NELL1: variants seen among roughly 807,000 people sequenced by gnomAD.
The protein encoded by NELL1 is neural EGFL like 1.
Under a neutral mutation model 107.4 loss-of-function variants are expected in NELL1, and 76 were observed. The ratio of observed to expected loss-of-function variants is 0.71; its 90% CI spans 0.59 to 0.86. NELL1 has a LOEUF of 0.86. Ranked by LOEUF, NELL1 falls within the 40% of genes least tolerant of loss-of-function variation. The pLI is 0.00. For missense variants in NELL1, 1,024 were observed against 1,005.5 expected, an observed-to-expected ratio of 1.02 and a Z score of -0.25; for synonymous variants, 353 against 341.2, an observed-to-expected ratio of 1.03 and a Z score of -0.38.
intron 2 of NELL1, among the ~76,000 whole-genome samples, chr11:20,732,923 A>G (rs763514841): frequency 5.3e-5 from 8 of 152,172 alleles, no homozygotes; most frequent in Non-Finnish European, 5.9e-5. Flanking sequence ...ACAGTGGGGA[A>G]CACAAAGGCT....
At chr11:21,221,160 A>G (rs945701635) in intron 13 of NELL1, among the ~76,000 whole-genome samples, 17 of 152,258 alleles carry the variant, frequency 1.1e-4, no homozygotes, top group Middle Eastern at 6.8e-3. Flanking sequence ...TGATTGGACA[A>G]TGTTGTGATT....
At chr11:21,300,758 T>A (rs1266570155) in intron 14 of NELL1, among the ~76,000 whole-genome samples, 12 of 152,120 alleles carry the variant, frequency 7.9e-5, no homozygotes, top group Non-Finnish European at 1.5e-5. Context: ...ATTATTTCTT[T>A]TTTTAATTAT....
At chr11:20,774,250 T>C (rs1590281431) in intron 2 of NELL1, among the ~76,000 whole-genome samples, 1 of 90,014 alleles carries the variant, frequency 1.1e-5, no homozygotes, top group Admixed American at 1.3e-4. Context: ...TTCCTCCCCC[T>C]CTCCCATCTT....
At chr11:21,224,147 T>TC (rs572746627) in intron 13 of NELL1, among the ~76,000 whole-genome samples, 51 of 152,306 alleles carry the variant, frequency 3.3e-4, no homozygotes, top group African/African-American at 1.2e-3. Flanking sequence ...GCAAGGACCT[T>TC]CTTGGGTTAC....
intron 14 of NELL1, among the ~76,000 whole-genome samples, chr11:21,334,841 G>A (rs1469445262): frequency 6.6e-6 from 1 of 151,884 alleles, no homozygotes; most frequent in Non-Finnish European, 1.5e-5. Context: ...ATCTGCTGAG[G>A]CAGCTGGAGA....
chr11:20,968,984 A>C (rs146756736), intron 12 of NELL1, among the ~76,000 whole-genome samples: 306 of 152,284 alleles, frequency 2.0e-3, no homozygotes, highest in African/African-American at 6.8e-3. Flanking sequence ...TGTTTTGGTG[A>C]GTGGCTTTTT....
chr11:20,927,174 A>T, intron 7 of NELL1, 134 bp from the exon 8 acceptor site: 1 of 723,334 alleles, frequency 1.4e-6, no homozygotes, highest in Non-Finnish European at 2.2e-6. Context: ...AAAAACAGAT[A>T]ATGCTAAGAA....
chr11:20,677,824 A>T, intron 1 of NELL1, 108 bp from the exon 2 acceptor site: 2 of 1,264,586 alleles, frequency 1.6e-6, no homozygotes, highest in Non-Finnish European at 2.3e-6. Context: ...CTCTCCAAGC[A>T]CTCATCATTG....
chr11:20,691,766 C>G (rs1026759292), intron 2 of NELL1, among the ~76,000 whole-genome samples: 1 of 151,874 alleles, frequency 6.6e-6, no homozygotes, highest in Non-Finnish European at 1.5e-5. Context: ...GTGTCTCTGA[C>G]CGGCTTTGGT....
chr11:20,967,439 A>G (rs553161628), intron 12 of NELL1, among the ~76,000 whole-genome samples: 1 of 152,224 alleles, frequency 6.6e-6, no homozygotes, highest in Non-Finnish European at 1.5e-5. Flanking sequence ...GAAGTATTGT[A>G]CTACAAAGAT....
At chr11:21,074,752 A>T (rs915856165) in intron 12 of NELL1, among the ~76,000 whole-genome samples, 15 of 152,010 alleles carry the variant, frequency 9.9e-5, no homozygotes, top group African/African-American at 3.6e-4. Flanking sequence ...ACTTTTTTTA[A>T]AAAAGGTTTC....
intron 14 of NELL1, among the ~76,000 whole-genome samples, chr11:21,310,505 G>A (rs1849728231): frequency 6.6e-6 from 1 of 151,950 alleles, no homozygotes; most frequent in Admixed American, 6.6e-5. Context: ...CACATAATAG[G>A]ACAATTGTGG....
rs79846975 is a variant in NELL1, at chr11:21,164,607, C to T, written c.1426+50893C>T. Among the ~76,000 whole-genome samples, 801 of 152,270 alleles carry T rather than the reference C, an allele frequency of 5.3e-3. 7 individuals carry two copies. Among genetic ancestry groups the T allele is most frequent in the African/African-American group, 0.018 (762 of 41,554 alleles). ...TATGGAAAGAGTTTCACTTGTCCCA[C>T]TTCTGAAAGAAATCATAGTGTTATA... On this transcript the variant is annotated intron_variant, in intron 13 of 19. Transcript: ENST00000357134.
At chr11:21,461,715 T>C (rs1853904997) in intron 15 of NELL1, among the ~76,000 whole-genome samples, 1 of 152,164 alleles carries the variant, frequency 6.6e-6, no homozygotes, top group East Asian at 1.9e-4. Context: ...TTAAGCATCT[T>C]GCCTAAGCTC....
At chr11:21,329,478 A>G (rs1850224584) in intron 14 of NELL1, among the ~76,000 whole-genome samples, 1 of 152,168 alleles carries the variant, frequency 6.6e-6, no homozygotes, top group South Asian at 2.1e-4. Context: ...ATGGACTAAA[A>G]CACTATAGAT....
intron 13 of NELL1, among the ~76,000 whole-genome samples, chr11:21,134,780 T>G (rs1005217214): frequency 2.0e-5 from 3 of 152,206 alleles, no homozygotes; most frequent in Admixed American, 6.5e-5. Context: ...GAGCGTGCTT[T>G]GAAATGTAAA....
chr11:21,321,641 T>C (rs1850013410), intron 14 of NELL1, among the ~76,000 whole-genome samples: 1 of 152,224 alleles, frequency 6.6e-6, no homozygotes, highest in Non-Finnish European at 1.5e-5. Flanking sequence ...TAAATAACTC[T>C]ATGAGTATTT....
chr11:20,905,922 T>C (rs528886965), intron 5 of NELL1, among the ~76,000 whole-genome samples: 1 of 152,276 alleles, frequency 6.6e-6, no homozygotes, highest in South Asian at 2.1e-4. Flanking sequence ...TATGAATCTA[T>C]GTATCCAAGA....
chr11:20,925,304 G>A (rs1389300067), intron 7 of NELL1, among the ~76,000 whole-genome samples: 1 of 152,002 alleles, frequency 6.6e-6, no homozygotes, highest in Non-Finnish European at 1.5e-5. Context: ...TTATTGAGAT[G>A]GAGTATCGCT....
Sources: allele counts gnomAD v4.1 joint callset (sites outside exome capture counted in the v4.1 genomes callset), GRCh38; gene constraint gnomAD v4.1.1; transcripts MANE v1.5; gene names NCBI Gene and HGNC (gene_info 2026-07-23, HGNC 2026-07-21).